The following BRSK1 variants were observed in gnomAD, a reference collection of about 807,000 sequenced individuals.
BRSK1 encodes the protein BR serine/threonine kinase 1, also known as serine/threonine-protein kinase BRSK1.
Under a neutral mutation model 86.2 loss-of-function variants are expected in BRSK1, and 17 were observed. That is an observed-to-expected ratio of 0.20 (90% confidence interval 0.14 to 0.30). BRSK1 has a LOEUF of 0.30. BRSK1 is among the 10% of genes least tolerant of loss of function. BRSK1 has a pLI of 1.00. For synonymous variants in BRSK1, 464 were observed against 440.1 expected (o/e 1.05, Z -0.68); for missense variants, 719 against 1,071.9 (o/e 0.67, Z 4.60).
Position 55,284,511 on chromosome 19 carries a change from C to T in BRSK1, c.69C>T (p.His23=). ...PAYHLPHPHP[H]PPQHAQYVGP... ...ACCACCTCCCCCACCCCCACCCCCA[C>T]CCACCCCAGCACGCCCAATATGTGG... The change falls in exon 1 of 19, where the codon CAC becomes CAT. Residue 23 remains histidine, a synonymous_variant. Coordinates refer to ENST00000309383, the MANE Select transcript of BRSK1 (RefSeq NM_032430.2). The T allele has an allele frequency of 7.6e-7, 1 of 1,310,520 alleles. No homozygotes were observed. The highest frequency in any genetic ancestry group is 9.9e-7 in the Non-Finnish European group (1 of 1,007,184). 81.2% of individuals were successfully genotyped at this position (1,310,520 alleles called of 1,614,324 possible). A position where few individuals can be genotyped will look rare whatever the true frequency, so the allele number is the denominator to read the frequency against.
At chr19:55,293,888 T>C in intron 4 of BRSK1, 129 bp from the exon 5 acceptor site, 3 of 661,494 alleles carry the variant, frequency 4.5e-6, no homozygotes, top group Non-Finnish European at 7.6e-6. Context: ...TAATGAATGA[T>C]AATAAATGGT....
chr19:55,286,941 G>T, intron 1 of BRSK1, 66 bp from the exon 2 acceptor site: 1 of 1,482,542 alleles, frequency 6.7e-7, no homozygotes, highest in Non-Finnish European at 9.4e-7. Context: ...GGCCAAGGGG[G>T]GACATAGGCG....
At chr19:55,307,173 GC>G (rs2088663449) in intron 17 of BRSK1, among the ~76,000 whole-genome samples, 1 of 152,218 alleles carries the variant, frequency 6.6e-6, no homozygotes, top group Admixed American at 6.5e-5. Flanking sequence ...AGAGGGGCTT[GC>G]CCCAAAGATT....
chr19:55,284,871 G>A (rs557119685), intron 1 of BRSK1, among the ~76,000 whole-genome samples: 62 of 146,002 alleles, frequency 4.2e-4, no homozygotes, highest in African/African-American at 1.5e-3. Flanking sequence ...TGGACTCCTG[G>A]GTTTCAGGGA....
intron 17 of BRSK1, among the ~76,000 whole-genome samples, chr19:55,308,300 C>CA (rs140390984): frequency 0.025 from 2,755 of 111,758 alleles, 86 homozygotes; most frequent in African/African-American, 0.13. Context: ...GTTGGGATTA[C>CA]AGGCATGAGC....
At chr19:55,307,548 C>A (rs1432350834) in intron 17 of BRSK1, among the ~76,000 whole-genome samples, 1,405 of 80,056 alleles carry the variant, frequency 0.018, no homozygotes, top group East Asian at 0.043. Context: ...GACTCTGTCT[C>A]AAAAAAAAAA....
chr19:55,310,221 C>T lies in BRSK1; in HGVS notation c.2179+1493C>T, dbSNP rs2088753429. The stretch of plus-strand genomic sequence containing the variant: ...GGTCAGAAGTCCCACATGGTCTCTG[C>T]AGGCTAACAGGGTGCCTGGAGGGCT... On this transcript the variant is annotated intron_variant, in intron 18 of 18. Transcript: ENST00000309383. This position sits in a 1 kb window ranked among gnomAD's most constrained non-coding sequence, Gnocchi z 5.0. 6.6e-6 allele frequency among the ~76,000 whole-genome samples: 1 copy of T among 152,222 alleles called. No homozygotes were observed. The highest frequency in any genetic ancestry group is 1.5e-5 in the Non-Finnish European group (1 of 68,034).
At chr19:55,311,206 C>T (rs929392042) in intron 18 of BRSK1, among the ~76,000 whole-genome samples, 5 of 152,302 alleles carry the variant, frequency 3.3e-5, no homozygotes, top group South Asian at 2.1e-4. Context: ...AAGTGATCTG[C>T]CTGCCTCAGC....
In BRSK1 at chr19:55,303,928, A is replaced by G. The variant is rs948653488; in HGVS notation, c.1286+102A>G. The stretch of plus-strand genomic sequence containing the variant: ...TCAAATGTGCTGTGTCCTTGGGACA[A>G]TTCACCTCCCCTCTCTGGGCCTCAT... On this transcript the variant is annotated intron_variant, in intron 12 of 18. Transcript: ENST00000309383. The surrounding 1 kb of genome is among the most constrained non-coding windows in gnomAD (Gnocchi z 5.1). The G allele has an allele frequency of 3.3e-6, 5 of 1,513,750 alleles. No homozygotes were observed. The Admixed American group carries it at 1.1e-4, about 33-fold the overall frequency. 93.8% of individuals were successfully genotyped at this position (1,513,750 alleles called of 1,614,324 possible).
chr19:55,305,873 T>C (rs772505918), intron 16 of BRSK1, among the ~76,000 whole-genome samples: 8 of 152,204 alleles, frequency 5.3e-5, no homozygotes, highest in Non-Finnish European at 1.2e-4. Flanking sequence ...TCCCAGGCAA[T>C]GTTAAGGCTG....
intron 18 of BRSK1, among the ~76,000 whole-genome samples, chr19:55,309,843 C>CG (rs1205413500): frequency 1.3e-5 from 2 of 152,180 alleles, no homozygotes; most frequent in Non-Finnish European, 2.9e-5. Flanking sequence ...TCCTGAGACA[C>CG]GGGGTCACAG....
In BRSK1 at chr19:55,302,549, G is replaced by A. The variant is rs981211032; in HGVS notation, c.858-148G>A. ...GACTCCTGGGTCTGAGATGGGGGGC[G>A]AGGTCTGGGGCGTCTGGATTCCTGG... is the stretch of plus-strand genomic sequence containing the variant. On this transcript the variant is annotated intron_variant, in intron 9 of 18. Transcript: ENST00000309383. The surrounding 1 kb of genome is among the most constrained non-coding windows in gnomAD (Gnocchi z 6.3). 7 of 1,045,486 alleles carry A rather than the reference G, an allele frequency of 6.7e-6. No homozygotes were observed. The highest frequency in any genetic ancestry group is 4.9e-5 in the East Asian group (2 of 41,126). 64.8% of individuals were successfully genotyped at this position (1,045,486 alleles called of 1,614,324 possible).
chr19:55,288,508 AC>A (rs2088356256), intron 3 of BRSK1, among the ~76,000 whole-genome samples: 2 of 151,100 alleles, frequency 1.3e-5, no homozygotes, highest in African/African-American at 4.9e-5. Context: ...AACAACAACA[AC>A]AACAAAAAAA....
Position 55,303,098 on chromosome 19 carries a change from T to C in BRSK1, c.1029-213T>C. On this transcript the variant is annotated intron_variant, in intron 10 of 18. Transcript: ENST00000309383. The surrounding 1 kb of genome is among the most constrained non-coding windows in gnomAD (Gnocchi z 5.1). ...ACATATACATAGTACTTACAAATAG[T>C]TCTTGCCTGGATGTTAGGTGTTACA... 2 of 637,706 alleles carry C rather than the reference T, an allele frequency of 3.1e-6. No homozygotes were observed. Among genetic ancestry groups the C allele is most frequent in the South Asian group, 4.1e-5 (2 of 49,236 alleles). 39.5% of individuals were successfully genotyped at this position (637,706 alleles called of 1,614,324 possible).
chr19:55,284,688 CCCCTCAT>C, intron 1 of BRSK1, 110 bp downstream of exon 1: 3 of 991,652 alleles, frequency 3.0e-6, no homozygotes, highest in Non-Finnish European at 2.6e-6. Flanking sequence ...GACCCCTGGG[CCCCTCAT>C]AGAGAAGGGA....
chr19:55,302,994 T>C lies in BRSK1; in HGVS notation c.1028+127T>C. 7.9e-7 allele frequency: 1 copy of C among 1,267,630 alleles called. No homozygotes were observed. Among genetic ancestry groups the C allele is most frequent in the Non-Finnish European group, 1.1e-6 (1 of 931,372 alleles). 78.5% of individuals were successfully genotyped at this position (1,267,630 alleles called of 1,614,324 possible). A position where few individuals can be genotyped will look rare whatever the true frequency, so the allele number is the denominator to read the frequency against. On this transcript the variant is annotated intron_variant, in intron 10 of 18. Coordinates refer to ENST00000309383, the MANE Select transcript of BRSK1 (RefSeq NM_032430.2). The surrounding 1 kb of genome is among the most constrained non-coding windows in gnomAD (Gnocchi z 6.3). ...TGGGGCATGGTTTGAAGCTCCCGCC[T>C]GGGAGTGATGGAACCAGCGGAGAAA...
chr19:55,305,665 G>C, intron 16 of BRSK1, 79 bp downstream of exon 16: 1 of 1,592,974 alleles, frequency 6.3e-7, no homozygotes, highest in Non-Finnish European at 8.6e-7. Flanking sequence ...AACCACCTTA[G>C]CATAGGCCTG....
Position 55,301,401 on chromosome 19 carries a change from G to A in BRSK1, c.679-111G>A. On this transcript the variant is annotated intron_variant, in intron 7 of 18. Coordinates refer to ENST00000309383, the MANE Select transcript of BRSK1 (RefSeq NM_032430.2). The stretch of plus-strand genomic sequence containing the variant: ...CTTTGGCAAATTGCTGAGCCTCTCT[G>A]TGCCTCAGTTTCCAACCCCTTAAGG... 4 of 1,351,054 alleles carry A rather than the reference G, an allele frequency of 3.0e-6. No individual in the cohort carries two copies. The South Asian group carries it at 4.3e-5, about 14-fold the overall frequency. 83.7% of individuals were successfully genotyped at this position (1,351,054 alleles called of 1,614,324 possible).
chr19:55,311,841 C>T (rs1672178769), intron 18 of BRSK1, 70 bp from the exon 19 acceptor site: 5 of 1,524,982 alleles, frequency 3.3e-6, no homozygotes, highest in Non-Finnish European at 4.5e-6. Flanking sequence ...GACTCTGCCC[C>T]CATCCCCTGG....
Sources: allele counts gnomAD v4.1 joint callset (sites outside exome capture counted in the v4.1 genomes callset), GRCh38; gene constraint gnomAD v4.1.1; non-coding constraint Gnocchi (gnomAD v3.1); transcripts MANE v1.5; gene names NCBI Gene and HGNC (gene_info 2026-07-23, HGNC 2026-07-21).